CLVS2: variants seen among roughly 807,000 people sequenced by gnomAD.
The protein encoded by CLVS2 is clavesin 2.
CLVS2 carries 19 observed loss-of-function variants against 29.0 expected under a neutral mutation model. The observed-to-expected ratio is 0.66, with a 90% confidence interval of 0.46 to 0.96. The LOEUF is 0.96. Ranked by LOEUF, CLVS2 falls within the 40% of genes least tolerant of loss-of-function variation. CLVS2 has a pLI of 0.00. For synonymous variants in CLVS2, 161 were observed against 151.3 expected (o/e 1.06, Z -0.47); for missense variants, 294 against 404.1 (o/e 0.73, Z 2.34).
intron 2 of CLVS2, among the ~76,000 whole-genome samples, chr6:123,004,959 A>G (rs920785699): frequency 6.6e-6 from 1 of 152,034 alleles, no homozygotes; most frequent in African/African-American, 2.4e-5. Context: ...ACAAAAAAAA[A>G]AAAAACCAAT....
At chr6:123,050,386 C>T (rs1275147242) in intron 4 of CLVS2, among the ~76,000 whole-genome samples, 1 of 152,154 alleles carries the variant, frequency 6.6e-6, no homozygotes, top group African/African-American at 2.4e-5. Flanking sequence ...TCATTTAGTA[C>T]TTACGACACC....
At chr6:123,006,491 A>G (rs909087770) in intron 2 of CLVS2, among the ~76,000 whole-genome samples, 1 of 152,202 alleles carries the variant, frequency 6.6e-6, no homozygotes. Context: ...AAAGAGACAC[A>G]AGTGCCATTA....
chr6:123,017,248 G>A (rs567404384), intron 3 of CLVS2, among the ~76,000 whole-genome samples: 1 of 152,170 alleles, frequency 6.6e-6, no homozygotes, highest in East Asian at 1.9e-4. Flanking sequence ...GCTGCCAATA[G>A]TTTTCAGGCT....
At chr6:123,059,362 C>T (rs191113790) in intron 5 of CLVS2, among the ~76,000 whole-genome samples, 1 of 152,242 alleles carries the variant, frequency 6.6e-6, no homozygotes, top group Non-Finnish European at 1.5e-5. Context: ...CTGCACCCCA[C>T]CCCAAAGTAA....
chr6:123,008,053 A>G (rs1173993353), intron 2 of CLVS2, among the ~76,000 whole-genome samples: 1 of 152,164 alleles, frequency 6.6e-6, no homozygotes, highest in Non-Finnish European at 1.5e-5. Context: ...GATCCTGTGT[A>G]GTACTGTTCT....
intron 3 of CLVS2, among the ~76,000 whole-genome samples, chr6:123,016,588 G>A (rs1467263213): frequency 6.6e-6 from 1 of 151,980 alleles, no homozygotes; most frequent in African/African-American, 2.4e-5. Flanking sequence ...CTGCCAATAA[G>A]TACATAATGT....
At chr6:123,041,911 G>T (rs144879480) in intron 3 of CLVS2, among the ~76,000 whole-genome samples, 1 of 152,058 alleles carries the variant, frequency 6.6e-6, no homozygotes, top group Admixed American at 6.6e-5. Context: ...TAAGATTTTA[G>T]CATCTGAGAG....
At chr6:123,037,509 A>C (rs1775171501) in intron 3 of CLVS2, among the ~76,000 whole-genome samples, 1 of 152,120 alleles carries the variant, frequency 6.6e-6, no homozygotes, top group African/African-American at 2.4e-5. Flanking sequence ...CAACCTTGGC[A>C]GGCCAGAACA....
At chr6:123,050,283 T>A in intron 4 of CLVS2, among the ~76,000 whole-genome samples, 1 of 152,226 alleles carries the variant, frequency 6.6e-6, no homozygotes, top group East Asian at 1.9e-4. Flanking sequence ...CCAAAAAACC[T>A]GCAGGGGCTT....
Position 123,068,915 on chromosome 6 carries a change from A to G in CLVS2, c.*5154A>G, listed in dbSNP as rs1252653579. The G allele has an allele frequency of 3.3e-5, 5 of 151,700 alleles. No homozygotes were observed. The South Asian group carries it at 1.0e-3, about 31-fold the overall frequency. The allele number at this position is 151,700 out of a possible 1,614,324, so 9.4% of individuals were successfully genotyped here. A position where few individuals can be genotyped will look rare whatever the true frequency, so the allele number is the denominator to read the frequency against. The stretch of plus-strand genomic sequence containing the variant: ...GTATACATTTATTTTGCACATTGTT[A>G]ATGTTAAATTTGGTAGTCCTGGATC... On this transcript the variant is annotated 3_prime_UTR_variant, in exon 6 of 6. Transcript: ENST00000275162.
At chr6:123,027,891 C>CTGA (rs1272555891) in intron 3 of CLVS2, among the ~76,000 whole-genome samples, 1 of 152,142 alleles carries the variant, frequency 6.6e-6, no homozygotes, top group Non-Finnish European at 1.5e-5. Context: ...TGCTCTGTAT[C>CTGA]TGATGATAAA....
chr6:123,046,500 A>G (rs1175931201), intron 3 of CLVS2, among the ~76,000 whole-genome samples: 1 of 152,018 alleles, frequency 6.6e-6, no homozygotes, highest in Non-Finnish European at 1.5e-5. Flanking sequence ...TCTCCACTAA[A>G]AATACAAAAT....
At chr6:123,050,492 C>G (rs754297680) in intron 4 of CLVS2, among the ~76,000 whole-genome samples, 10 of 152,076 alleles carry the variant, frequency 6.6e-5, no homozygotes, top group Non-Finnish European at 1.3e-4. Flanking sequence ...GCTAGCAGAT[C>G]GTAGAGCCGG....
chr6:123,035,103 A>G (rs1233677952), intron 3 of CLVS2, among the ~76,000 whole-genome samples: 1 of 152,144 alleles, frequency 6.6e-6, no homozygotes, highest in African/African-American at 2.4e-5. Flanking sequence ...TTTGTTTTGC[A>G]TCATTAAAAG....
intron 5 of CLVS2, among the ~76,000 whole-genome samples, chr6:123,059,963 T>C (rs1318993812): frequency 6.6e-6 from 1 of 152,214 alleles, no homozygotes; most frequent in East Asian, 1.9e-4. Flanking sequence ...TTTGGTATCA[T>C]ATGAAACATT....
At chr6:123,063,155 A>C (rs1264435813) in intron 5 of CLVS2, among the ~76,000 whole-genome samples, 1 of 152,196 alleles carries the variant, frequency 6.6e-6, no homozygotes, top group Non-Finnish European at 1.5e-5. Context: ...GAAACATACA[A>C]ATTTTGATCT....
chr6:123,041,670 G>C (rs1026813427), intron 3 of CLVS2, among the ~76,000 whole-genome samples: 2 of 152,026 alleles, frequency 1.3e-5, no homozygotes, highest in Non-Finnish European at 1.5e-5. Flanking sequence ...TAATAGTAAT[G>C]GCAGAAAGGA....
At chr6:123,009,644 C>G (rs1458348959) in intron 2 of CLVS2, among the ~76,000 whole-genome samples, 4 of 152,000 alleles carry the variant, frequency 2.6e-5, no homozygotes, top group Non-Finnish European at 4.4e-5. Flanking sequence ...TGCCTCTTCC[C>G]TGAGGTCCAG....
intron 1 of CLVS2, 21 bp from the exon 2 acceptor site, chr6:122,997,198 C>G (rs1774521801): frequency 6.0e-6 from 1 of 167,664 alleles, no homozygotes; most frequent in Admixed American, 6.5e-5. Flanking sequence ...TTCTCTCTGT[C>G]TCTTTTTCTT....
Sources: allele counts gnomAD v4.1 joint callset (sites outside exome capture counted in the v4.1 genomes callset), GRCh38; gene constraint gnomAD v4.1.1; transcripts MANE v1.5; gene names NCBI Gene and HGNC (gene_info 2026-07-23, HGNC 2026-07-21).